Variants in MLLT10 observed in about 807,000 individuals in gnomAD.
MLLT10 encodes protein AF-10.
In MLLT10, 30 loss-of-function variants were observed where a neutral mutation model predicts 129.1. The ratio of observed to expected loss-of-function variants is 0.23; its 90% CI spans 0.17 to 0.32. MLLT10 has a LOEUF of 0.32. Among genes scored for constraint, MLLT10 ranks in the 10% least tolerant of loss-of-function variants. MLLT10 has a pLI of 1.00. For synonymous variants in MLLT10, 490 were observed against 446.4 expected (o/e 1.10, Z -1.23); for missense variants, 1,119 against 1,268.3 (o/e 0.88, Z 1.79).
chr10:21,574,390 T>C (rs1039065124), intron 3 of MLLT10, among the ~76,000 whole-genome samples: 1 of 152,200 alleles, frequency 6.6e-6, no homozygotes, highest in Non-Finnish European at 1.5e-5. Context: ...TTGTCAACTT[T>C]TTAGGTTTTT....
rs1430297314 is a variant in MLLT10, at chr10:21,647,827, T to C, written c.700-3846T>C. Among the ~76,000 whole-genome samples the C allele has an allele frequency of 7.2e-5, 11 of 152,132 alleles. 1 individual carries two copies. The highest frequency in any genetic ancestry group is 7.2e-4 in the Admixed American group (11 of 15,276). On this transcript the variant is annotated intron_variant, in intron 8 of 22. Transcript: ENST00000307729. ...TCTTCCCAGTTTGGTTTTTGTTTTT[T>C]AATGATTTGTTTTTTAATTTGCATA...
intron 21 of MLLT10, among the ~76,000 whole-genome samples, chr10:21,737,654 T>C (rs191047499): frequency 3.3e-5 from 5 of 151,888 alleles, no homozygotes; most frequent in Admixed American, 1.3e-4. Flanking sequence ...AGATGGGAAA[T>C]AGAGAACTTG....
intron 14 of MLLT10, among the ~76,000 whole-genome samples, chr10:21,717,665 T>TTCC (rs2056759962): frequency 1.5e-4 from 6 of 39,412 alleles, no homozygotes; most frequent in Admixed American, 9.1e-4. Context: ...CCTCCTCCTC[T>TTCC]TCCTCCTCCT....
chr10:21,631,332 AAAAG>A (rs1589332051), intron 8 of MLLT10, among the ~76,000 whole-genome samples: 2 of 151,208 alleles, frequency 1.3e-5, no homozygotes, highest in South Asian at 2.1e-4. Context: ...AAAAAAAAAA[AAAAG>A]AAAAGTAATG....
chr10:21,608,674 AG>A (rs1467566813), intron 5 of MLLT10, among the ~76,000 whole-genome samples: 5 of 151,846 alleles, frequency 3.3e-5, no homozygotes, highest in Non-Finnish European at 7.4e-5. Context: ...CATTTTTTTC[AG>A]GCTGTTCTTT....
chr10:21,726,098 T>A (rs541460424), intron 14 of MLLT10, 146 bp from the exon 15 acceptor site: 2 of 590,730 alleles, frequency 3.4e-6, no homozygotes, highest in East Asian at 3.0e-5. Flanking sequence ...GTAAAACAAG[T>A]AAGAACGAAA....
chr10:21,556,711 C>A, intron 3 of MLLT10: 1 of 1,612,458 alleles, frequency 6.2e-7, no homozygotes, highest in Non-Finnish European at 8.5e-7. Flanking sequence ...AACATCACTG[C>A]GCATGTGCAT....
intron 13 of MLLT10, among the ~76,000 whole-genome samples, chr10:21,711,387 A>T (rs1028587791): frequency 2.6e-5 from 4 of 151,452 alleles, no homozygotes; most frequent in Non-Finnish European, 4.4e-5. Flanking sequence ...GCACCACTGC[A>T]CTCCAGCCTG....
intron 13 of MLLT10, among the ~76,000 whole-genome samples, chr10:21,696,113 A>G (rs1446324298): frequency 2.6e-5 from 4 of 151,914 alleles, no homozygotes; most frequent in Non-Finnish European, 5.9e-5. Context: ...CAAAGTTCAT[A>G]CATTATTGAG....
At chr10:21,723,614 T>A (rs966376674) in intron 14 of MLLT10, among the ~76,000 whole-genome samples, 13 of 152,266 alleles carry the variant, frequency 8.5e-5, no homozygotes, top group South Asian at 8.3e-4. Context: ...CTCAGTGTCT[T>A]CTTGGAGGAC....
At chr10:21,547,319 A>G (rs1192071503) in intron 3 of MLLT10, among the ~76,000 whole-genome samples, 1 of 152,072 alleles carries the variant, frequency 6.6e-6, no homozygotes, top group Non-Finnish European at 1.5e-5. Context: ...AACAAAACAA[A>G]GGTCCTTGGG....
chr10:21,662,010 C>CT (rs35018796), intron 9 of MLLT10, among the ~76,000 whole-genome samples: 2,341 of 151,400 alleles, frequency 0.015, 69 homozygotes, highest in African/African-American at 0.053. Context: ...ATTTTCTTGT[C>CT]TTTTTTTTCA....
chr10:21,657,584 TAGA>T (rs1445382531), intron 9 of MLLT10, among the ~76,000 whole-genome samples: 2 of 152,146 alleles, frequency 1.3e-5, no homozygotes, highest in African/African-American at 4.8e-5. Context: ...TCATTATTAT[TAGA>T]AGACTTAGTT....
chr10:21,673,346 A>T lies in MLLT10; in HGVS notation c.1052-4A>T, dbSNP rs1427090435. The T allele has an allele frequency of 1.0e-6, 1 of 988,972 alleles. No homozygotes were observed. The allele number at this position is 988,972 out of a possible 1,614,324, so 61.3% of individuals were successfully genotyped here. A position where few individuals can be genotyped will look rare whatever the true frequency, so the allele number is the denominator to read the frequency against. Reference sequence around the variant, plus strand: ...TTTTTTTTTTTTTTTTTTTTAAACTACAGGCAGTTTTTCAGGAACTCCAGG... The same window carrying T: ...TTTTTTTTTTTTTTTTTTTTAAACTTCAGGCAGTTTTTCAGGAACTCCAGG... On this transcript the variant is annotated splice_polypyrimidine_tract_variant and splice_region_variant and intron_variant, in intron 10 of 22. Transcript: ENST00000307729.
chr10:21,576,119 G>T (rs1412044116), intron 3 of MLLT10, among the ~76,000 whole-genome samples: 3 of 150,490 alleles, frequency 2.0e-5, no homozygotes, highest in South Asian at 2.1e-4. Flanking sequence ...TAGAGATGGG[G>T]CTTTGCCATG....
At chr10:21,639,447 A>G (rs2047774815) in intron 8 of MLLT10, among the ~76,000 whole-genome samples, 1 of 152,178 alleles carries the variant, frequency 6.6e-6, no homozygotes, top group Non-Finnish European at 1.5e-5. Flanking sequence ...AGTTTGCTAG[A>G]GTGGCTCACA....
intron 13 of MLLT10, among the ~76,000 whole-genome samples, chr10:21,696,880 C>T (rs2054417120): frequency 6.6e-6 from 1 of 151,998 alleles, no homozygotes; most frequent in Non-Finnish European, 1.5e-5. Flanking sequence ...CCAAAGTGAT[C>T]TTATAAAAAC....
chr10:21,577,392 A>G (rs1403125971), intron 3 of MLLT10, among the ~76,000 whole-genome samples: 1 of 151,862 alleles, frequency 6.6e-6, no homozygotes, highest in Non-Finnish European at 1.5e-5. Flanking sequence ...TTCATGCTGT[A>G]ACTCTGTTTA....
At chr10:21,630,153 C>A (rs1048812952) in intron 8 of MLLT10, among the ~76,000 whole-genome samples, 1 of 151,984 alleles carries the variant, frequency 6.6e-6, no homozygotes, top group African/African-American at 2.4e-5. Context: ...TATTGCTAGG[C>A]AGATTGGGTA....
Sources: gnomAD v4.1 joint callset for allele counts (sites outside exome capture counted in the v4.1 genomes callset) on GRCh38, gnomAD v4.1.1 for gene constraint, MANE v1.5 for transcripts, NCBI Gene and HGNC (gene_info 2026-07-23, HGNC 2026-07-21) for gene names.